SVOPL: variants seen among roughly 807,000 people sequenced by gnomAD.
SVOPL encodes the protein SVOP like, also known as putative transporter SVOPL.
SVOPL carries 60 observed loss-of-function variants against 61.0 expected under a neutral mutation model. The observed-to-expected ratio is 0.98, with a 90% CI of 0.80 to 1.22. The LOEUF (loss-of-function observed/expected upper bound fraction) is 1.22. Among genes scored for constraint, SVOPL ranks in the 50% most tolerant of loss-of-function variants. The probability of loss-of-function intolerance (pLI) is 0.00; values close to 1 mark genes in which losing one functional copy is unlikely to be tolerated. For missense variants in SVOPL, 662 were observed against 643.9 expected (o/e 1.03, Z -0.30); for synonymous variants, 279 against 250.0 (o/e 1.12, Z -1.09).
chr7:138,700,579 T>A (rs918674018), intron 1 of SVOPL, among the ~76,000 whole-genome samples: 1 of 151,988 alleles, frequency 6.6e-6, no homozygotes, highest in Non-Finnish European at 1.5e-5. Context: ...GACCTTGTGA[T>A]CCACCCACCT....
chr7:138,599,412 C>A (rs1186792190), intron 14 of SVOPL, among the ~76,000 whole-genome samples: 1 of 151,990 alleles, frequency 6.6e-6, no homozygotes, highest in African/African-American at 2.4e-5. Flanking sequence ...AAAATAGATC[C>A]AAGTATCTAT....
At chr7:138,632,989 T>C (rs934825127) in intron 9 of SVOPL, among the ~76,000 whole-genome samples, 8 of 152,178 alleles carry the variant, frequency 5.3e-5, no homozygotes, top group East Asian at 3.8e-4. Flanking sequence ...AAAGATTATG[T>C]TGTAGTCTCT....
chr7:138,644,616 A>G (rs886704446), intron 9 of SVOPL, 101 bp downstream of exon 9: 2 of 1,488,382 alleles, frequency 1.3e-6, no homozygotes, highest in East Asian at 2.4e-5. Context: ...CTCAGACAGG[A>G]CTAGAGAACA....
Position 138,628,196 on chromosome 7 carries a change from TAGTC to T in SVOPL, c.1027_1030del (p.Asp343IlefsTer4). On this transcript the variant is annotated frameshift_variant, in exon 11 of 16. Coordinates refer to ENST00000674285, the MANE Select transcript of SVOPL (RefSeq NM_001139456.2). LOFTEE classifies it high-confidence loss of function. ...GATGGTGCTGATGATCATGGTCCGA[TAGTC>T]AGAGGGTGCAAACATGTGGCAGTAG... 1.2e-6 allele frequency: 2 copies of T among 1,614,164 alleles called. No homozygotes were observed. Among genetic ancestry groups the T allele is most frequent in the South Asian group, 1.1e-5 (1 of 91,074 alleles).
chr7:138,686,439 A>C (rs1302014650), intron 1 of SVOPL, among the ~76,000 whole-genome samples: 1 of 150,520 alleles, frequency 6.6e-6, no homozygotes, highest in Non-Finnish European at 1.5e-5. Context: ...GAAGCCAGAG[A>C]ACAGCTGTGT....
intron 9 of SVOPL, among the ~76,000 whole-genome samples, chr7:138,631,516 C>T (rs1471939128): frequency 3.3e-5 from 5 of 152,128 alleles, no homozygotes; most frequent in Non-Finnish European, 7.3e-5. Context: ...ACGGCACATT[C>T]CCACATCTGG....
intron 14 of SVOPL, chr7:138,597,087 T>A (rs1389464060): frequency 4.2e-6 from 5 of 1,185,514 alleles, no homozygotes; most frequent in Non-Finnish European, 5.3e-6. Flanking sequence ...TGGGTTTCTG[T>A]CCATCTGTAC....
chr7:138,607,965 C>T (rs1174254034), intron 14 of SVOPL, among the ~76,000 whole-genome samples: 1 of 152,096 alleles, frequency 6.6e-6, no homozygotes, highest in Admixed American at 6.5e-5. Context: ...TAGATAACTA[C>T]TTGGAATGTT....
intron 1 of SVOPL, among the ~76,000 whole-genome samples, chr7:138,698,464 C>G (rs751508812): frequency 5.3e-5 from 8 of 152,078 alleles, no homozygotes; most frequent in Non-Finnish European, 1.0e-4. Flanking sequence ...GCTGGCATCT[C>G]AGGTCATGAT....
intron 1 of SVOPL, 143 bp from the exon 2 acceptor site, chr7:138,679,222 C>T (rs370703326): frequency 1.0e-3 from 593 of 575,174 alleles, no homozygotes; most frequent in Non-Finnish European, 1.3e-3. Flanking sequence ...CTTTTCACAC[C>T]GGGCCTCTGG....
chr7:138,647,914 T>C (rs1801203519), intron 8 of SVOPL, among the ~76,000 whole-genome samples: 2 of 151,732 alleles, frequency 1.3e-5, no homozygotes, highest in African/African-American at 2.4e-5. Context: ...GACCTGCTTC[T>C]ACATGGGATG....
intron 8 of SVOPL, among the ~76,000 whole-genome samples, chr7:138,646,877 G>A (rs1801141728): frequency 6.6e-6 from 1 of 152,128 alleles, no homozygotes; most frequent in South Asian, 2.1e-4. Context: ...GGAAGCAAGT[G>A]GCTTACTAAG....
At chr7:138,633,344 G>A (rs1023326526) in intron 9 of SVOPL, among the ~76,000 whole-genome samples, 1 of 152,140 alleles carries the variant, frequency 6.6e-6, no homozygotes, top group African/African-American at 2.4e-5. Context: ...CGTGGGGGTG[G>A]ATCCCTCATG....
intron 13 of SVOPL, among the ~76,000 whole-genome samples, chr7:138,622,082 C>CTATG (rs1563096144): frequency 2.3e-4 from 21 of 92,616 alleles, no homozygotes; most frequent in African/African-American, 8.8e-4. Flanking sequence ...ATCTATCTAT[C>CTATG]TATCTATGTA....
At position 138,660,543 on chromosome 7, in the gene SVOPL, G is replaced by C. The variant is rs866642343; in HGVS notation, c.346-555C>G. The C allele has an allele frequency of 2.3e-5, 23 of 985,948 alleles. No individual in the cohort carries two copies. In the Middle Eastern group the frequency reaches 3.7e-3, roughly 157 times the overall value. The allele number at this position is 985,948 out of a possible 1,614,324, so 61.1% of individuals were successfully genotyped here. On this transcript the variant is annotated intron_variant, in intron 5 of 15. Coordinates refer to ENST00000674285, the MANE Select transcript of SVOPL (RefSeq NM_001139456.2). Reference sequence around the variant, plus strand: ...CTGGCTATAAATGTTCCAGTGGAAAGATGTACTTTCATACATGTAATATAA... The same window carrying C: ...CTGGCTATAAATGTTCCAGTGGAAACATGTACTTTCATACATGTAATATAA...
At chr7:138,697,852 A>T (rs1389763344) in intron 1 of SVOPL, among the ~76,000 whole-genome samples, 19 of 151,946 alleles carry the variant, frequency 1.3e-4, no homozygotes, top group Admixed American at 1.3e-3. Context: ...AAAGAAGATA[A>T]TCCCAATAGA....
At chr7:138,679,735 C>T (rs560144765) in intron 1 of SVOPL, among the ~76,000 whole-genome samples, 3 of 152,280 alleles carry the variant, frequency 2.0e-5, no homozygotes, top group African/African-American at 7.2e-5. Flanking sequence ...GCACTCACCC[C>T]ATAACTGGCA....
At chr7:138,663,027 G>T in intron 5 of SVOPL, 47 bp downstream of exon 5, 2 of 1,613,152 alleles carry the variant, frequency 1.2e-6, no homozygotes, top group South Asian at 1.1e-5. Flanking sequence ...GCCCCCAAAA[G>T]AATACACAAA....
chr7:138,687,600 G>A (rs1232928929), intron 1 of SVOPL, among the ~76,000 whole-genome samples: 3 of 150,538 alleles, frequency 2.0e-5, no homozygotes, highest in Non-Finnish European at 3.0e-5. Context: ...TCTTGCCCAG[G>A]CTGGAGTGCT....
Sources: allele counts gnomAD v4.1 joint callset (sites outside exome capture counted in the v4.1 genomes callset), GRCh38; gene constraint gnomAD v4.1.1; transcripts MANE v1.5; gene names NCBI Gene and HGNC (gene_info 2026-07-23, HGNC 2026-07-21).